The following PPP2R2C variants were observed in gnomAD, a reference collection of about 807,000 sequenced individuals.
PPP2R2C encodes protein phosphatase 2 regulatory subunit Bgamma.
A neutral mutation model predicts 45.3 loss-of-function variants in PPP2R2C; 10 were observed. The observed-to-expected ratio is 0.22, with a 90% CI of 0.14 to 0.37. The LOEUF (loss-of-function observed/expected upper bound fraction) is 0.37. Ranked by LOEUF, PPP2R2C falls within the 10% of genes least tolerant of loss-of-function variation. The pLI is 1.00. For missense variants in PPP2R2C, 308 were observed against 619.7 expected (o/e 0.50, Z 5.34); for synonymous variants, 257 against 245.4 (o/e 1.05, Z -0.44).
intron 1 of PPP2R2C, among the ~76,000 whole-genome samples, chr4:6,559,395 G>GCA (rs58400617): frequency 0.033 from 4,754 of 144,802 alleles, 74 homozygotes; most frequent in Middle Eastern, 0.067. Context: ...AAAATACACA[G>GCA]CACACACACA....
chr4:6,340,774 G>A (rs1015411989), intron 6 of PPP2R2C, among the ~76,000 whole-genome samples: 6 of 152,224 alleles, frequency 3.9e-5, no homozygotes, highest in Non-Finnish European at 5.9e-5. Context: ...CTACTCAGAC[G>A]GCCTTGTGGT....
chr4:6,520,984 A>G (rs1724000606), intron 2 of PPP2R2C, among the ~76,000 whole-genome samples: 1 of 152,198 alleles, frequency 6.6e-6, no homozygotes, highest in South Asian at 2.1e-4. Context: ...GGGCTTACAT[A>G]CCTCCTTATC....
Position 6,350,509 on chromosome 4 carries a change from C to T in PPP2R2C, c.626-2499G>A, listed in dbSNP as rs900489276. 12 of 985,326 alleles carry T rather than the reference C, an allele frequency of 1.2e-5. No homozygotes were observed. The African/African-American group carries it at 1.2e-4, about 10-fold the overall frequency. The allele number at this position is 985,326 out of a possible 1,614,324, so 61.0% of individuals were successfully genotyped here. On this transcript the variant is annotated intron_variant, in intron 5 of 8. Transcript: ENST00000382599. ...TGGTGGCAACAGAAGCGCCCAGGAACGTGAGTCCCACAGGAGTTCTGTTTG... is the reference window on the plus strand; with the variant it reads ...TGGTGGCAACAGAAGCGCCCAGGAATGTGAGTCCCACAGGAGTTCTGTTTG...
chr4:6,538,553 G>GATGAGGTCACGTCATCTTCC (rs377506653), intron 1 of PPP2R2C, among the ~76,000 whole-genome samples: 46 of 152,332 alleles, frequency 3.0e-4, no homozygotes, highest in African/African-American at 9.4e-4. Flanking sequence ...AGGAAAATGA[G>GATGAGGTCACGTCATCTTCC]ATGAGGTCAC....
At chr4:6,562,931 C>G (rs1725626332) in intron 1 of PPP2R2C, among the ~76,000 whole-genome samples, 1 of 148,768 alleles carries the variant, frequency 6.7e-6, no homozygotes, top group African/African-American at 2.5e-5. Flanking sequence ...GGGCTCTGGG[C>G]GCGCCACTGT....
chr4:6,498,268 C>A (rs933214162), intron 2 of PPP2R2C, among the ~76,000 whole-genome samples: 1 of 152,190 alleles, frequency 6.6e-6, no homozygotes, highest in African/African-American at 2.4e-5. Context: ...TTGCGCAGCT[C>A]AACACTAGAT....
chr4:6,364,587 G>A lies in PPP2R2C; in HGVS notation c.625+7936C>T, dbSNP rs1318068950. ...GCAGCTCGGTGATTTGCCAGGCACT[G>A]CCCTAAAGGCTTCCCAGATGTCATC... is the stretch of plus-strand genomic sequence containing the variant. On this transcript the variant is annotated intron_variant, in intron 5 of 8. Transcript: ENST00000382599. The surrounding 1 kb of genome is among the most constrained non-coding windows in gnomAD (Gnocchi z 5.3). 3.3e-5 allele frequency among the ~76,000 whole-genome samples: 5 copies of A among 152,080 alleles called. No individual in the cohort carries two copies. The highest frequency in any genetic ancestry group is 6.5e-5 in the Admixed American group (1 of 15,268).
chr4:6,331,877 G>A lies in PPP2R2C; in HGVS notation c.960+1685C>T, dbSNP rs551322240. ...ATTTGTTAAGCACCGCACACCAGCC[G>A]AACGCAGTCCTGCTACACACAATTT... On this transcript the variant is annotated intron_variant, in intron 7 of 8. Transcript: ENST00000382599. This position sits in a 1 kb window ranked among gnomAD's most constrained non-coding sequence, Gnocchi z 5.9. 2.4e-4 allele frequency among the ~76,000 whole-genome samples: 36 copies of A among 152,300 alleles called. No homozygotes were observed. Among genetic ancestry groups the A allele is most frequent in the African/African-American group, 7.9e-4 (33 of 41,556 alleles).
intron 2 of PPP2R2C, among the ~76,000 whole-genome samples, chr4:6,532,450 C>T (rs1183744410): frequency 6.6e-6 from 1 of 152,210 alleles, no homozygotes; most frequent in East Asian, 1.9e-4. Context: ...CATTTTGGGC[C>T]AGGCCTTCCA....
intron 6 of PPP2R2C, among the ~76,000 whole-genome samples, chr4:6,336,051 C>T (rs1205380073): frequency 6.6e-6 from 1 of 152,100 alleles, no homozygotes; most frequent in Admixed American, 6.5e-5. Context: ...TCCTTCCAGT[C>T]CTGGCGTCAA....
At chr4:6,558,752 C>G (rs73086939) in intron 1 of PPP2R2C, among the ~76,000 whole-genome samples, 2 of 152,052 alleles carry the variant, frequency 1.3e-5, no homozygotes. Context: ...AGCCCTGCAC[C>G]GAGCCAAGCT....
At chr4:6,453,172 A>C (rs1720830679) in intron 1 of PPP2R2C, among the ~76,000 whole-genome samples, 1 of 152,110 alleles carries the variant, frequency 6.6e-6, no homozygotes, top group South Asian at 2.1e-4. Flanking sequence ...GGACCCCCCC[A>C]CAGAGGATAT....
At chr4:6,516,753 AGTGATCATAAGG>A (rs1198885758) in intron 2 of PPP2R2C, among the ~76,000 whole-genome samples, 1 of 152,216 alleles carries the variant, frequency 6.6e-6, no homozygotes, top group African/African-American at 2.4e-5. Context: ...CTGACAAGAG[AGTGATCATAAGG>A]GATCCTGTTT....
chr4:6,366,737 G>A (rs968168686), intron 5 of PPP2R2C, among the ~76,000 whole-genome samples: 2 of 152,184 alleles, frequency 1.3e-5, no homozygotes, highest in African/African-American at 4.8e-5. Context: ...AGAAGGGATG[G>A]CGGATGGCAG....
rs759687422 is a variant in PPP2R2C at position 6,420,551 on chromosome 4, C to T, written c.71-39457G>A. ...TCCCTGCCTTGGGAATCCAGAGGCACCCCTTCACCCTTTCTCTATGCTCAT... is the reference window on the plus strand; with the variant it reads ...TCCCTGCCTTGGGAATCCAGAGGCATCCCTTCACCCTTTCTCTATGCTCAT... On this transcript the variant is annotated intron_variant, in intron 1 of 8. Transcript: ENST00000382599. 5.3e-4 allele frequency among the ~76,000 whole-genome samples: 80 copies of T among 152,284 alleles called. 1 individual carries two copies. The highest frequency in any genetic ancestry group is 8.8e-4 in the Non-Finnish European group (60 of 67,992).
At chr4:6,358,071 C>A (rs1713376553) in intron 5 of PPP2R2C, among the ~76,000 whole-genome samples, 1 of 152,158 alleles carries the variant, frequency 6.6e-6, no homozygotes, top group African/African-American at 2.4e-5. Context: ...CATCACGCTA[C>A]CTGACTTCAA....
rs527470735 is a variant in PPP2R2C at position 6,443,930 on chromosome 4, C to T, written c.70+28230G>A. Among the ~76,000 whole-genome samples, 3 of 152,244 alleles carry T rather than the reference C, an allele frequency of 2.0e-5. No individual in the cohort carries two copies. In the East Asian group the frequency reaches 5.8e-4, roughly 29 times the overall value. ...TCCAACACAGCAGCAGCCCAGCAGC[C>T]CAGCAGCCCAACCCTGGCCCATGTG... On this transcript the variant is annotated intron_variant, in intron 1 of 8. Coordinates refer to ENST00000382599, the MANE Select transcript of PPP2R2C (RefSeq NM_020416.4).
chr4:6,518,953 AGAAT>A, intron 2 of PPP2R2C, among the ~76,000 whole-genome samples: 1 of 138,548 alleles, frequency 7.2e-6, no homozygotes, highest in African/African-American at 2.8e-5. Flanking sequence ...AAAAAAAAAA[AGAAT>A]AGAAAAGAAA....
chr4:6,383,728 C>A, intron 1 of PPP2R2C: 1 of 772,400 alleles, frequency 1.3e-6, no homozygotes, highest in African/African-American at 1.9e-5. Context: ...CATCTGTAGG[C>A]TCTCTTCCTG....
Sources: allele counts gnomAD v4.1 joint callset (sites outside exome capture counted in the v4.1 genomes callset), GRCh38; gene constraint gnomAD v4.1.1; non-coding constraint Gnocchi (gnomAD v3.1); transcripts MANE v1.5; gene names NCBI Gene and HGNC (gene_info 2026-07-23, HGNC 2026-07-21).